Variants in ARHGAP39 observed in about 807,000 individuals in gnomAD.
ARHGAP39 encodes the protein Rho GTPase activating protein 39.
Under a neutral mutation model 106.9 loss-of-function variants are expected in ARHGAP39, and 44 were observed. The observed-to-expected ratio is 0.41, with a 90% CI of 0.32 to 0.53. The LOEUF is 0.53. Among genes scored for constraint, ARHGAP39 ranks in the 20% least tolerant of loss-of-function variants. The pLI is 0.21. For missense variants in ARHGAP39, 1,496 were observed against 1,577.3 expected (o/e 0.95, Z 0.87); for synonymous variants, 768 against 693.2 (o/e 1.11, Z -1.69).
rs770429591 is a variant in ARHGAP39 at position 144,533,221 on chromosome 8, T to G, written c.2793A>C (p.Arg931Ser). 19 of 1,613,050 alleles carry G rather than the reference T, an allele frequency of 1.2e-5. No individual in the cohort carries two copies. Among genetic ancestry groups the G allele is most frequent in the Middle Eastern group, 3.3e-4 (2 of 6,058 alleles). Residue 931 changes from arginine to serine, a missense_variant, in exon 9 of 12, where the codon AGA (arginine) becomes AGC (serine). Arg to Ser is a moderately radical substitution (Grantham distance 110, BLOSUM62 -1). Coordinates refer to ENST00000377307, the MANE Select transcript of ARHGAP39 (RefSeq NM_025251.3). Reference sequence around the variant, plus strand: ...GCAGCTGGCGCTCGGGGTAGCGCTCTCTCTGCATGCCCATGACCTCCTGCA... The same window carrying G: ...GCAGCTGGCGCTCGGGGTAGCGCTCGCTCTGCATGCCCATGACCTCCTGCA... ...SALQEVMGMQRERYPERQLPW... is the reference protein window; with the variant it reads ...SALQEVMGMQSERYPERQLPW...
At chr8:144,605,486 C>A (rs1178287494) in intron 2 of ARHGAP39, 49 bp downstream of exon 2, 1 of 1,580,494 alleles carries the variant, frequency 6.3e-7, no homozygotes, top group Non-Finnish European at 8.7e-7. Flanking sequence ...AAAGCAGTTC[C>A]ACCCACTCGT....
chr8:144,581,002 G>T lies in ARHGAP39; in HGVS notation c.356C>A (p.Ser119Ter). The part of the protein sequence containing the change: ...LKQNTESPRA[S>*]AESSPGRGSS... The stretch of plus-strand genomic sequence containing the variant: ...GCCGCGCCCGGGGCTGCTCTCCGCC[G>T]AGGCGCGCGGGGACTCCGTGTTCTG... Residue 119 changes from serine (S) to a stop codon, truncating the protein, a stop_gained, in exon 3 of 12, where the codon TCG (serine) becomes TAG (stop). Transcript: ENST00000377307. LOFTEE classifies it high-confidence loss of function. The T allele has an allele frequency of 6.3e-7, 1 of 1,593,154 alleles. No homozygotes were observed. Among genetic ancestry groups the T allele is most frequent in the East Asian group, 2.3e-5 (1 of 43,848 alleles).
rs1420888666 is a variant in ARHGAP39, at chr8:144,547,835, C to G, written c.1251G>C (p.Lys417Asn). ...AACCACCGCCGGGGTTGGGCGCGTA[C>G]TTGTGCCGCGGGCCGGCGCGCAGCT... ...SPKLRAGPRH[K>N]YAPNPGGGSY... Residue 417 changes from lysine to asparagine, a missense_variant, in exon 5 of 12, where the codon AAG becomes AAC. By Grantham distance (94) the Lys-to-Asn change is moderately conservative (BLOSUM62 0). Coordinates refer to ENST00000377307, the MANE Select transcript of ARHGAP39 (RefSeq NM_025251.3). The surrounding 1 kb of genome is among the most constrained non-coding windows in gnomAD (Gnocchi z 5.2). 18 of 1,590,630 alleles carry G rather than the reference C, an allele frequency of 1.1e-5. No homozygotes were observed. Among genetic ancestry groups the G allele is most frequent in the Non-Finnish European group, 1.5e-5 (18 of 1,169,778 alleles).
intron 8 of ARHGAP39, 99 bp from the exon 9 acceptor site, chr8:144,533,424 T>G: frequency 3.3e-6 from 4 of 1,203,366 alleles, no homozygotes; most frequent in Non-Finnish European, 3.5e-6. Context: ...TGGGTGGCGC[T>G]CTTCAGAATT....
At chr8:144,699,585 T>G in the ARHGAP39 span, among the ~76,000 whole-genome samples, 3,890 of 36,110 alleles carry the variant, frequency 0.11, 181 homozygotes, top group African/African-American at 0.27. Flanking sequence ...GCTGGTGGGC[T>G]GGGGGCACGG....
chr8:144,662,893 A>G (rs1238429389), intron 1 of ARHGAP39, among the ~76,000 whole-genome samples: 1 of 101,634 alleles, frequency 9.8e-6, no homozygotes, highest in African/African-American at 3.9e-5. Flanking sequence ...CCCATTATCC[A>G]CCTCGGGCCT....
chr8:144,553,522 C>T (rs980762943), intron 4 of ARHGAP39, among the ~76,000 whole-genome samples: 1 of 152,232 alleles, frequency 6.6e-6, no homozygotes, highest in Non-Finnish European at 1.5e-5. Flanking sequence ...AACATGCATG[C>T]ATCACCCCAG....
intron 1 of ARHGAP39, among the ~76,000 whole-genome samples, chr8:144,619,244 G>T (rs541986974): frequency 6.6e-6 from 1 of 152,226 alleles, no homozygotes; most frequent in Non-Finnish European, 1.5e-5. Context: ...AAGCAAGCGC[G>T]GAAACAGCAT....
intron 1 of ARHGAP39, among the ~76,000 whole-genome samples, chr8:144,660,732 C>A (rs779206699): frequency 6.6e-6 from 1 of 152,096 alleles, no homozygotes; most frequent in Non-Finnish European, 1.5e-5. Context: ...ATAATCCCAG[C>A]ACTTTGGGAG....
In ARHGAP39 at chr8:144,547,785, C is replaced by A. The variant is rs969071119; in HGVS notation, c.1301G>T (p.Cys434Phe). 5 of 1,597,300 alleles carry A rather than the reference C, an allele frequency of 3.1e-6. No individual in the cohort carries two copies. Among genetic ancestry groups the A allele is most frequent in the Middle Eastern group, 1.7e-4 (1 of 6,026 alleles). The change falls in exon 5 of 12, where the codon TGC (cysteine) becomes TTC (phenylalanine). Residue 434 changes from cysteine to phenylalanine, a missense_variant. Physicochemically the swap from Cys to Phe is radical, Grantham distance 205 (BLOSUM62 -2). Around this residue, in one of 4 missense-constraint regions of ARHGAP39, gnomAD observed 905 missense variants for 816.4 expected, o/e 1.11. Transcript: ENST00000377307. This position sits in a 1 kb window ranked among gnomAD's most constrained non-coding sequence, Gnocchi z 5.2. ...GGSYSLQPSPCLLRDQRLGVK... is the reference protein window; with the variant it reads ...GGSYSLQPSPFLLRDQRLGVK... The stretch of plus-strand genomic sequence containing the variant: ...GCCCAGGCGCTGGTCCCTCAGCAGG[C>A]AGGGGCTGGGCTGCAAGGAGTACGA...
At chr8:144,660,300 T>C (rs1020755544) in intron 1 of ARHGAP39, among the ~76,000 whole-genome samples, 7 of 152,144 alleles carry the variant, frequency 4.6e-5, no homozygotes, top group African/African-American at 1.7e-4. Context: ...GGTTAAATAA[T>C]ATAAGATTAT....
At position 144,530,755 on chromosome 8, in the gene ARHGAP39, C is replaced by A; in HGVS notation, c.3097G>T (p.Ala1033Ser). Residue 1033 changes from alanine (A) to serine (S), a missense_variant, in exon 11 of 12, where the codon GCG (alanine) becomes TCG (serine). Ala to Ser is a moderately conservative substitution (Grantham distance 99, BLOSUM62 1). Coordinates refer to ENST00000377307, the MANE Select transcript of ARHGAP39 (RefSeq NM_025251.3). ...SPEAAVAVVH[A>S]LPRINRMVLC... ...ACCATGCGGTTGATGCGGGGCAGCG[C>A]GTGCACCACGGCCACCGCCGCCTCG... is the stretch of plus-strand genomic sequence containing the variant. 6.2e-7 allele frequency: 1 copy of A among 1,610,480 alleles called. No individual in the cohort carries two copies. Among genetic ancestry groups the A allele is most frequent in the Non-Finnish European group, 8.5e-7 (1 of 1,179,018 alleles).
At chr8:144,545,221 T>A in intron 6 of ARHGAP39, 28 bp downstream of exon 6, 1 of 1,484,304 alleles carries the variant, frequency 6.7e-7, no homozygotes, top group Non-Finnish European at 9.0e-7. Context: ...TTACCTGAGC[T>A]GGTGGCAAAG....
Position 144,679,039 on chromosome 8 carries a change from T to C in ARHGAP39, c.-82+6647A>G, listed in dbSNP as rs1231254607. 6.6e-6 allele frequency among the ~76,000 whole-genome samples: 1 copy of C among 152,014 alleles called. No individual in the cohort carries two copies. The highest frequency in any genetic ancestry group is 1.5e-5 in the Non-Finnish European group (1 of 68,002). On this transcript the variant is annotated intron_variant, in intron 1 of 11. Transcript: ENST00000377307. This position sits in a 1 kb window ranked among gnomAD's most constrained non-coding sequence, Gnocchi z 4.7. ...GAGAGGGGGACCCAGCACGCCAAAATTCTAGGTGGTGACCAAGCAGGTGAA... is the reference window on the plus strand; with the variant it reads ...GAGAGGGGGACCCAGCACGCCAAAACTCTAGGTGGTGACCAAGCAGGTGAA...
chr8:144,672,493 T>C (rs1822124512), intron 1 of ARHGAP39, among the ~76,000 whole-genome samples: 1 of 151,954 alleles, frequency 6.6e-6, no homozygotes, highest in Non-Finnish European at 1.5e-5. Flanking sequence ...GAAAGGAAAA[T>C]AGACTCAAAC....
At chr8:144,665,242 A>G (rs1821933757) in intron 1 of ARHGAP39, among the ~76,000 whole-genome samples, 1 of 152,246 alleles carries the variant, frequency 6.6e-6, no homozygotes, top group Non-Finnish European at 1.5e-5. Flanking sequence ...TCTAAGCAGC[A>G]AAGTGTTCAA....
chr8:144,657,120 A>G (rs952364242), intron 1 of ARHGAP39, among the ~76,000 whole-genome samples: 1 of 152,058 alleles, frequency 6.6e-6, no homozygotes, highest in Non-Finnish European at 1.5e-5. Flanking sequence ...TTGGCCTAGC[A>G]TGGTGGCTCA....
chr8:144,562,141 T>C (rs1267792103), intron 3 of ARHGAP39, among the ~76,000 whole-genome samples: 1 of 139,408 alleles, frequency 7.2e-6, no homozygotes, highest in African/African-American at 2.8e-5. Context: ...CCATCGGACT[T>C]ACTCCAGTGG....
chr8:144,688,543 C>A (rs114684233), upstream of ARHGAP39, among the ~76,000 whole-genome samples: 1 of 152,156 alleles, frequency 6.6e-6, no homozygotes, highest in African/African-American at 2.4e-5. Context: ...ATCAGGAATT[C>A]GAGACCAGCC....
Sources: allele counts gnomAD v4.1 joint callset (sites outside exome capture counted in the v4.1 genomes callset), GRCh38; gene constraint gnomAD v4.1.1; regional missense constraint gnomAD v4.1.1; non-coding constraint Gnocchi (gnomAD v3.1); transcripts MANE v1.5; gene names NCBI Gene and HGNC (gene_info 2026-07-23, HGNC 2026-07-21).